The following SLC39A8 variants were observed in gnomAD, a reference collection of about 807,000 sequenced individuals.
SLC39A8 encodes the protein solute carrier family 39 member 8, also known as metal cation symporter ZIP8.
In SLC39A8, 15 loss-of-function variants were observed where a neutral mutation model predicts 40.4. The ratio of observed to expected loss-of-function variants is 0.37; its 90% CI spans 0.25 to 0.57. The LOEUF is 0.57. Among genes scored for constraint, SLC39A8 ranks in the 20% least tolerant of loss-of-function variants. The pLI is 0.75. For missense variants in SLC39A8, 472 were observed against 558.8 expected, an observed-to-expected ratio of 0.84 and a Z score of 1.57; for synonymous variants, 223 against 221.6, an observed-to-expected ratio of 1.01 and a Z score of -0.06.
At position 102,315,753 on chromosome 4, in the gene SLC39A8, G is replaced by A; in HGVS notation, c.297C>T (p.Val99=). 2 of 1,613,408 alleles carry A rather than the reference G, an allele frequency of 1.2e-6. No homozygotes were observed. Among genetic ancestry groups the A allele is most frequent in the Non-Finnish European group, 1.7e-6 (2 of 1,179,592 alleles). Residue 99 remains valine (V), a synonymous_variant, in exon 3 of 9, where the codon GTC becomes GTT. Coordinates refer to ENST00000356736, the MANE Select transcript of SLC39A8 (RefSeq NM_001135146.2). Reference sequence around the variant, plus strand: ...ATTGCTGTAAGACTGCTGGACAGATGACAGAGAATTTGGAGCTGGTTATTT... The same window carrying A: ...ATTGCTGTAAGACTGCTGGACAGATAACAGAGAATTTGGAGCTGGTTATTT... ...ATQITSSKFS[V]ICPAVLQQLN... is the part of the protein sequence containing the mutation.
intron 6 of SLC39A8, among the ~76,000 whole-genome samples, chr4:102,300,225 G>A (rs773368040): frequency 1.3e-5 from 2 of 151,878 alleles, no homozygotes; most frequent in Admixed American, 6.6e-5. Flanking sequence ...AAATCATTTC[G>A]TCTAAATATT....
At chr4:102,338,066 T>C (rs1254778997) in intron 2 of SLC39A8, among the ~76,000 whole-genome samples, 4 of 152,168 alleles carry the variant, frequency 2.6e-5, no homozygotes, top group Non-Finnish European at 4.4e-5. Flanking sequence ...TAGTAGCAGA[T>C]GTTTTCTAGT....
chr4:102,321,270 T>C (rs750486496), intron 2 of SLC39A8, among the ~76,000 whole-genome samples: 5 of 152,252 alleles, frequency 3.3e-5, no homozygotes, highest in East Asian at 1.9e-4. Context: ...ACATTGACGA[T>C]AGAATGCTGG....
Position 102,315,702 on chromosome 4 carries a change from C to A in SLC39A8, c.348G>T (p.Arg116=). The part of the protein sequence containing the change: ...QQLNFHPCED[R]PKHKTRPSHS... ...GACTTGGTCTTGTTTTGTGCTTGGG[C>A]CGATCCTCACATGGGTGAAAGTTCA... Residue 116 remains arginine (R), a synonymous_variant, in exon 3 of 9, where the codon CGG becomes CGT. Coordinates refer to ENST00000356736, the MANE Select transcript of SLC39A8 (RefSeq NM_001135146.2). 1 of 1,612,414 alleles carries A rather than the reference C, an allele frequency of 6.2e-7. No homozygotes were observed. Among genetic ancestry groups the A allele is most frequent in the South Asian group, 1.1e-5 (1 of 90,812 alleles).
At position 102,289,521 on chromosome 4, in the gene SLC39A8, A is replaced by G. The variant is rs114515626; in HGVS notation, c.840+14796T>C. 3.9e-3 allele frequency among the ~76,000 whole-genome samples: 594 copies of G among 152,250 alleles called. 1 individual carries two copies. Among genetic ancestry groups the G allele is most frequent in the African/African-American group, 0.014 (565 of 41,550 alleles). ...TGCCATAGTAGTGATTCCTATAATG[A>G]ATCTCAGCAAAGGAAGTTGAAAACC... On this transcript the variant is annotated intron_variant, in intron 6 of 8. Coordinates refer to ENST00000356736, the MANE Select transcript of SLC39A8 (RefSeq NM_001135146.2).
rs185553669 is a variant in SLC39A8 at position 102,310,933 on chromosome 4, T to A, written c.383-3328A>T. On this transcript the variant is annotated intron_variant, in intron 3 of 8. Coordinates refer to ENST00000356736, the MANE Select transcript of SLC39A8 (RefSeq NM_001135146.2). ...GATTCTTCTAAGAACTTTACCTATT[T>A]TAACTCATTTAATTCTCACAACAAC... Among the ~76,000 whole-genome samples the A allele has an allele frequency of 5.3e-5, 8 of 152,266 alleles. No individual in the cohort carries two copies. In the East Asian group the frequency reaches 1.4e-3, roughly 26 times the overall value.
At chr4:102,310,198 T>C (rs902115703) in intron 3 of SLC39A8, among the ~76,000 whole-genome samples, 5 of 152,032 alleles carry the variant, frequency 3.3e-5, no homozygotes, top group Non-Finnish European at 7.4e-5. Context: ...CTTTCCTATC[T>C]TCCTTGCCTA....
At chr4:102,251,091 T>TG (rs1223466939) in exon 12 of SLC39A8, 2 of 152,208 alleles carry the variant, frequency 1.3e-5, no homozygotes, top group Non-Finnish European at 2.9e-5. Context: ...CACATATTTA[T>TG]GGGGTACATA....
intron 6 of SLC39A8, among the ~76,000 whole-genome samples, chr4:102,273,588 G>A (rs193275252): frequency 6.3e-4 from 96 of 152,318 alleles, no homozygotes; most frequent in Non-Finnish European, 1.1e-3. Flanking sequence ...CATAGTGCTC[G>A]AGCTCTGCTA....
chr4:102,324,344 G>A (rs537119294), intron 2 of SLC39A8: 24 of 204,350 alleles, frequency 1.2e-4, no homozygotes, highest in African/African-American at 5.0e-4. Flanking sequence ...GCAGTGAGCC[G>A]AGATAGTGCC....
chr4:102,334,490 G>A (rs1479026043), intron 2 of SLC39A8, among the ~76,000 whole-genome samples: 1 of 152,130 alleles, frequency 6.6e-6, no homozygotes, highest in Admixed American at 6.5e-5. Context: ...TTTTAGGGCC[G>A]GCCCTGATTA....
At chr4:102,319,637 C>T (rs1734819006) in intron 2 of SLC39A8, among the ~76,000 whole-genome samples, 1 of 152,020 alleles carries the variant, frequency 6.6e-6, no homozygotes, top group African/African-American at 2.4e-5. Context: ...CCACTCCTAC[C>T]CCTGCTCCTC....
At chr4:102,341,073 T>TGA (rs10642484) in intron 2 of SLC39A8, among the ~76,000 whole-genome samples, 112,456 of 151,942 alleles carry the variant, frequency 0.74, 43,687 homozygotes, top group African/African-American at 0.94. Flanking sequence ...GTTTGCCAGC[T>TGA]GAGACAGTTC....
chr4:102,308,743 T>C (rs1734297878), intron 3 of SLC39A8, among the ~76,000 whole-genome samples: 1 of 152,164 alleles, frequency 6.6e-6, no homozygotes, highest in Non-Finnish European at 1.5e-5. Context: ...CTTTTCTCCA[T>C]GGCACTGTCA....
At chr4:102,277,182 A>C (rs1473455483) in intron 6 of SLC39A8, among the ~76,000 whole-genome samples, 1 of 152,212 alleles carries the variant, frequency 6.6e-6, no homozygotes, top group Non-Finnish European at 1.5e-5. Context: ...TCAAATAGGA[A>C]AAGAGGTAGT....
chr4:102,298,703 A>G (rs2149029252), intron 6 of SLC39A8, among the ~76,000 whole-genome samples: 1 of 152,078 alleles, frequency 6.6e-6, no homozygotes, highest in East Asian at 1.9e-4. Flanking sequence ...ATAAAACTGC[A>G]AGGACAGGAG....
intron 6 of SLC39A8, among the ~76,000 whole-genome samples, chr4:102,279,789 G>T (rs1578569848): frequency 6.6e-6 from 1 of 152,148 alleles, no homozygotes; most frequent in African/African-American, 2.4e-5. Flanking sequence ...ATTAGTAAAA[G>T]ACATCATGGG....
intron 6 of SLC39A8, among the ~76,000 whole-genome samples, chr4:102,302,914 A>G (rs1289244695): frequency 6.6e-6 from 1 of 152,046 alleles, no homozygotes; most frequent in African/African-American, 2.4e-5. Context: ...ATCATTCATT[A>G]CACTGCAAAA....
rs1361961957 is a variant in SLC39A8 at position 102,344,448 on chromosome 4, T to C, written c.215A>G (p.Asn72Ser). 4.1e-5 allele frequency: 63 copies of C among 1,535,086 alleles called. No homozygotes were observed. Among genetic ancestry groups the C allele is most frequent in the Non-Finnish European group, 5.1e-5 (58 of 1,139,836 alleles). Residue 72 changes from asparagine to serine, a missense_variant, in exon 2 of 9, where the codon AAC becomes AGC. By Grantham distance (46) the Asn-to-Ser change is conservative (BLOSUM62 1). Around this residue, in one of 4 missense-constraint regions of SLC39A8, gnomAD observed 175 missense variants for 160.5 expected, o/e 1.09. Coordinates refer to ENST00000356736, the MANE Select transcript of SLC39A8 (RefSeq NM_001135146.2). ...GCCCGGACCTGGCGGCCTTACCTGG[T>C]TGAAGTGCAGCTGGCCAGGCTCCGG... is the stretch of plus-strand genomic sequence containing the variant. ...GVPEPGQLHF[N>S]QCLTAEEIFS...
Sources: allele counts gnomAD v4.1 joint callset (sites outside exome capture counted in the v4.1 genomes callset), GRCh38; gene constraint gnomAD v4.1.1; regional missense constraint gnomAD v4.1.1; transcripts MANE v1.5; gene names NCBI Gene and HGNC (gene_info 2026-07-23, HGNC 2026-07-21).